Variants in THSD7B observed in about 807,000 individuals in gnomAD.
The protein encoded by THSD7B is thrombospondin type 1 domain containing 7B, also known as thrombospondin type-1 domain-containing protein 7B.
In THSD7B, 138 loss-of-function variants were observed where a neutral mutation model predicts 213.6. The ratio of observed to expected loss-of-function variants is 0.65; its 90% CI spans 0.56 to 0.74. The LOEUF (loss-of-function observed/expected upper bound fraction) is 0.74. Among genes scored for constraint, THSD7B ranks in the 30% least tolerant of loss-of-function variants. The pLI is 0.00. For missense variants in THSD7B, 1,931 were observed against 1,991.5 expected (o/e 0.97, Z 0.58); for synonymous variants, 742 against 687.0 (o/e 1.08, Z -1.25).
intron 15 of THSD7B, among the ~76,000 whole-genome samples, chr2:137,498,337 T>C (rs1573664121): frequency 4.2e-5 from 1 of 23,576 alleles, no homozygotes; most frequent in African/African-American, 7.3e-5. Flanking sequence ...AGTAAAGTCT[T>C]TTTTTTTTTT....
intron 2 of THSD7B, among the ~76,000 whole-genome samples, chr2:136,941,140 A>G (rs544603637): frequency 6.6e-6 from 1 of 152,206 alleles, no homozygotes; most frequent in South Asian, 2.1e-4. Context: ...TTTGCTCAGA[A>G]TGATGGTTTC....
intron 1 of THSD7B, among the ~76,000 whole-genome samples, chr2:136,792,261 A>T (rs1191427233): frequency 6.6e-6 from 1 of 151,984 alleles, no homozygotes; most frequent in African/African-American, 2.4e-5. Context: ...GGCCAATCTG[A>T]AAAGGCAACA....
chr2:137,073,339 G>A (rs1687541178), intron 3 of THSD7B, among the ~76,000 whole-genome samples: 1 of 152,190 alleles, frequency 6.6e-6, no homozygotes, highest in Admixed American at 6.5e-5. Context: ...TTGGGAGGAT[G>A]TATGTGTCGA....
intron 16 of THSD7B, among the ~76,000 whole-genome samples, chr2:137,571,399 T>C (rs1237617351): frequency 6.6e-6 from 1 of 152,204 alleles, no homozygotes; most frequent in Non-Finnish European, 1.5e-5. Context: ...ACATTTTCAG[T>C]CAGCTTTGGT....
At chr2:136,969,196 T>C (rs1233742065) in intron 2 of THSD7B, among the ~76,000 whole-genome samples, 3 of 152,294 alleles carry the variant, frequency 2.0e-5, no homozygotes, top group Non-Finnish European at 2.9e-5. Context: ...TCTTTGTCTA[T>C]CCAGTTTTGA....
At chr2:136,955,035 G>A (rs1685102799) in intron 2 of THSD7B, among the ~76,000 whole-genome samples, 1 of 152,060 alleles carries the variant, frequency 6.6e-6, no homozygotes, top group African/African-American at 2.4e-5. Flanking sequence ...TAAAGTCGAC[G>A]TTTGGGTTGA....
intron 1 of THSD7B, among the ~76,000 whole-genome samples, chr2:136,842,647 A>T (rs925547005): frequency 2.0e-5 from 3 of 152,220 alleles, no homozygotes; most frequent in African/African-American, 7.2e-5. Context: ...TTTGAGAAGA[A>T]CCTTTTTTTG....
chr2:136,904,635 G>C (rs941171919), intron 2 of THSD7B, among the ~76,000 whole-genome samples: 6 of 152,180 alleles, frequency 3.9e-5, no homozygotes, highest in Non-Finnish European at 7.3e-5. Context: ...AGAACACTCA[G>C]GGGTGGGATA....
At chr2:136,921,357 A>G (rs758630799) in intron 2 of THSD7B, among the ~76,000 whole-genome samples, 2 of 151,934 alleles carry the variant, frequency 1.3e-5, no homozygotes, top group African/African-American at 2.4e-5. Context: ...CCAAACTCCT[A>G]TGCTCAAGCC....
At chr2:136,791,108 T>C (rs1162846732) in intron 1 of THSD7B, among the ~76,000 whole-genome samples, 2 of 151,852 alleles carry the variant, frequency 1.3e-5, no homozygotes, top group African/African-American at 4.8e-5. Flanking sequence ...GAGTTGGTGA[T>C]AATTGGAAAG....
chr2:137,286,865 G>A (rs1446612720), intron 12 of THSD7B, among the ~76,000 whole-genome samples: 1 of 152,154 alleles, frequency 6.6e-6, no homozygotes, highest in African/African-American at 2.4e-5. Context: ...TTCCATAAAT[G>A]TAACTGTATT....
At chr2:136,929,881 C>T (rs896139809) in intron 2 of THSD7B, among the ~76,000 whole-genome samples, 1 of 152,168 alleles carries the variant, frequency 6.6e-6, no homozygotes, top group Non-Finnish European at 1.5e-5. Flanking sequence ...CAGAACTGGA[C>T]ATAAACGTTG....
chr2:137,488,563 G>C (rs1395640605), intron 15 of THSD7B, among the ~76,000 whole-genome samples: 2 of 152,130 alleles, frequency 1.3e-5, no homozygotes, highest in East Asian at 3.9e-4. Context: ...TAGAAGTAGA[G>C]GTTCTAGTGA....
At position 136,897,807 on chromosome 2, in the gene THSD7B, C is replaced by T. The variant is rs183756906; in HGVS notation, c.139+15490C>T. Among the ~76,000 whole-genome samples the T allele has an allele frequency of 1.9e-3, 284 of 151,968 alleles. 2 individuals are homozygous for T. The highest frequency in any genetic ancestry group is 6.4e-3 in the African/African-American group (264 of 41,412). On this transcript the variant is annotated intron_variant, in intron 2 of 27. Transcript: ENST00000409968. ...CGCTTTTACAGAGTGCTGATTGGTG[C>T]GCTTACAAACCTTCAGCTAGACACA... is the stretch of plus-strand genomic sequence containing the variant.
chr2:137,638,637 T>A (rs1049391323), intron 20 of THSD7B, among the ~76,000 whole-genome samples: 2 of 151,980 alleles, frequency 1.3e-5, no homozygotes, highest in Non-Finnish European at 2.9e-5. Flanking sequence ...GACAAGAAAA[T>A]GTGGGGAAGT....
At chr2:137,126,406 T>C (rs193023715) in intron 5 of THSD7B, among the ~76,000 whole-genome samples, 8 of 152,342 alleles carry the variant, frequency 5.3e-5, no homozygotes, top group African/African-American at 1.7e-4. Context: ...AGATAGCTCC[T>C]TTTTAAACCT....
rs563993408 is a variant in THSD7B, at chr2:137,163,199, G to A, written c.1525+2831G>A. ...ATTTCTCTATAGTAAAAGTCAACCTGTGCAGATATACCCTGGTCCATCATT... is the reference window on the plus strand; with the variant it reads ...ATTTCTCTATAGTAAAAGTCAACCTATGCAGATATACCCTGGTCCATCATT... On this transcript the variant is annotated intron_variant, in intron 6 of 27. Coordinates refer to ENST00000409968, the MANE Select transcript of THSD7B (RefSeq NM_001316349.2). 6.6e-5 allele frequency among the ~76,000 whole-genome samples: 10 copies of A among 152,196 alleles called. No homozygotes were observed. The East Asian group carries it at 1.9e-3, about 29-fold the overall frequency.
At chr2:137,571,831 T>A (rs1573716755) in intron 16 of THSD7B, among the ~76,000 whole-genome samples, 1 of 152,208 alleles carries the variant, frequency 6.6e-6, no homozygotes, top group East Asian at 1.9e-4. Context: ...TTTTTTTGAT[T>A]TGAAAAATTC....
chr2:137,129,695 C>A lies in THSD7B; in HGVS notation c.1369+14402C>A, dbSNP rs891519525. On this transcript the variant is annotated intron_variant, in intron 5 of 27. Transcript: ENST00000409968. ...GCCTCAAGCGATCCTCCTGCCTCAACCTCCCAAAATGCTGGGATTACGGGC... is the reference window on the plus strand; with the variant it reads ...GCCTCAAGCGATCCTCCTGCCTCAAACTCCCAAAATGCTGGGATTACGGGC... 2.0e-5 allele frequency among the ~76,000 whole-genome samples: 3 copies of A among 152,190 alleles called. No homozygotes were observed. The East Asian group carries it at 5.8e-4, about 29-fold the overall frequency.
Sources: gnomAD v4.1 joint callset for allele counts (sites outside exome capture counted in the v4.1 genomes callset) on GRCh38, gnomAD v4.1.1 for gene constraint, MANE v1.5 for transcripts, NCBI Gene and HGNC (gene_info 2026-07-23, HGNC 2026-07-21) for gene names.